The following LMLN variants were observed in gnomAD, a reference collection of about 807,000 sequenced individuals.
The protein encoded by LMLN is leishmanolysin like peptidase, also known as leishmanolysin-like peptidase.
Under a neutral mutation model 92.3 loss-of-function variants are expected in LMLN, and 70 were observed. The ratio of observed to expected loss-of-function variants is 0.76; its 90% CI spans 0.63 to 0.92. LMLN has a LOEUF of 0.92. LMLN is among the 40% of genes least tolerant of loss of function. The pLI, the probability that LMLN is intolerant of heterozygous loss-of-function variation, is 0.00. For missense variants in LMLN, 691 were observed against 814.6 expected (o/e 0.85, Z 1.85); for synonymous variants, 308 against 296.2 (o/e 1.04, Z -0.41).
At chr3:197,975,392 G>T (rs890792047) in intron 3 of LMLN, among the ~76,000 whole-genome samples, 6 of 152,176 alleles carry the variant, frequency 3.9e-5, no homozygotes, top group African/African-American at 1.4e-4. Flanking sequence ...TGACAACACT[G>T]TTCTCTTGGT....
chr3:198,017,327 A>T lies in LMLN; in HGVS notation c.1233-1926A>T, dbSNP rs13327370. On this transcript the variant is annotated intron_variant, in intron 11 of 15. Coordinates refer to ENST00000330198, the Ensembl canonical transcript of LMLN. ...TAGAGATTCCAGTGTGGCTGTTCTCAAGCACTTCTGGGCTTCGTCATTTGT... is the reference window on the plus strand; with the variant it reads ...TAGAGATTCCAGTGTGGCTGTTCTCTAGCACTTCTGGGCTTCGTCATTTGT... 7.2e-5 allele frequency among the ~76,000 whole-genome samples: 11 copies of T among 151,978 alleles called. No homozygotes were observed. The East Asian group carries it at 2.1e-3, about 29-fold the overall frequency.
chr3:198,024,881 G>T, intron 14 of LMLN, 93 bp downstream of exon 15: 1 of 1,053,964 alleles, frequency 9.5e-7, no homozygotes. Flanking sequence ...CATATTTTAT[G>T]TCATTAATTT....
At chr3:197,966,494 G>A (rs1262052326) in intron 1 of LMLN, among the ~76,000 whole-genome samples, 5 of 151,376 alleles carry the variant, frequency 3.3e-5, no homozygotes, top group Non-Finnish European at 5.9e-5. Flanking sequence ...TTTTGGGTAG[G>A]TATGCTTTAT....
In LMLN at chr3:198,016,761, C is replaced by T. The variant is rs187671559; in HGVS notation, c.1233-2492C>T. Among the ~76,000 whole-genome samples, 478 of 152,270 alleles carry T rather than the reference C, an allele frequency of 3.1e-3. 3 individuals are homozygous for T. Among genetic ancestry groups the T allele is most frequent in the South Asian group, 0.02 (98 of 4,832 alleles). ...ACTTCTACTTCTTTATTCTTAAAAA[C>T]TAAAACTGTGGGTCCCCTGAATTCT... On this transcript the variant is annotated intron_variant, in intron 11 of 15. Transcript: ENST00000330198.
intron 11 of LMLN, among the ~76,000 whole-genome samples, chr3:198,006,817 A>G (rs751225691): frequency 3.9e-5 from 6 of 151,974 alleles, no homozygotes; most frequent in Non-Finnish European, 8.8e-5. Flanking sequence ...GGTTCAAGCA[A>G]TTCTTTTGCC....
Position 198,042,945 on chromosome 3 carries a change from C to A in LMLN, c.*4278C>A, listed in dbSNP as rs1723447786. The stretch of plus-strand genomic sequence containing the variant: ...AAAACCAGTAACCCTTACATTTTTC[C>A]TATAGGATAGTTATTTTTGTTGAGA... On this transcript the variant is annotated 3_prime_UTR_variant, in exon 16 of 16. Transcript: ENST00000330198. This position sits in a 1 kb window ranked among gnomAD's most constrained non-coding sequence, Gnocchi z 4.2. The A allele has an allele frequency of 6.6e-6, 1 of 152,098 alleles. No individual in the cohort carries two copies. Among genetic ancestry groups the A allele is most frequent in the African/African-American group, 2.4e-5 (1 of 41,412 alleles). 9.4% of individuals were successfully genotyped at this position (152,098 alleles called of 1,614,324 possible). A position where few individuals can be genotyped will look rare whatever the true frequency, so the allele number is the denominator to read the frequency against.
intron 14 of LMLN, among the ~76,000 whole-genome samples, chr3:198,030,771 T>A (rs1723057162): frequency 6.6e-6 from 1 of 152,238 alleles, no homozygotes; most frequent in South Asian, 2.1e-4. Context: ...ACATATCTTC[T>A]AGTGGAGATT....
exon 16 of LMLN, chr3:198,040,467 C>G (rs951921629): frequency 6.6e-6 from 1 of 152,274 alleles, no homozygotes; most frequent in Non-Finnish European, 1.5e-5. Context: ...AGGCGATGCC[C>G]ATTCTTTCTC....
chr3:197,983,803 A>C (rs1721624844), intron 6 of LMLN, 140 bp from the exon 7 acceptor site: 1 of 548,702 alleles, frequency 1.8e-6, no homozygotes, highest in African/African-American at 1.9e-5. Flanking sequence ...ATGTCTTAAA[A>C]GTAAGATAGT....
intron 14 of LMLN, among the ~76,000 whole-genome samples, chr3:198,032,684 G>C (rs113562863): frequency 2.0e-5 from 3 of 152,216 alleles, no homozygotes; most frequent in African/African-American, 7.2e-5. Flanking sequence ...TGAACAAGCA[G>C]ATCTCTGGGG....
At chr3:197,975,976 A>T in intron 3 of LMLN, 53 bp from the exon 4 acceptor site, 1 of 1,089,946 alleles carries the variant, frequency 9.2e-7, no homozygotes, top group South Asian at 1.4e-5. Context: ...TTTTAAATAT[A>T]ATTTATCTCT....
intron 4 of LMLN, 179 bp downstream of exon 4, chr3:197,976,290 C>A: frequency 2.0e-6 from 1 of 508,064 alleles, no homozygotes. Flanking sequence ...TCATTCTTTC[C>A]CTGACCTTTC....
intron 9 of LMLN, 146 bp downstream of exon 9, chr3:197,990,822 C>CG (rs1721847034): frequency 1.9e-6 from 1 of 519,516 alleles, no homozygotes; most frequent in Non-Finnish European, 3.5e-6. Context: ...AATGAAGCTA[C>CG]GGGCCACGAG....
chr3:197,961,896 G>A (rs541824603), intron 1 of LMLN, among the ~76,000 whole-genome samples: 1 of 152,008 alleles, frequency 6.6e-6, no homozygotes, highest in Non-Finnish European at 1.5e-5. Flanking sequence ...TAATGAACCC[G>A]CATGGACCCA....
chr3:197,975,150 A>C, intron 3 of LMLN, 78 bp downstream of exon 3: 1 of 786,562 alleles, frequency 1.3e-6, no homozygotes, highest in Non-Finnish European at 2.2e-6. Flanking sequence ...GTAAAGAAAA[A>C]TATATACATG....
intron 14 of LMLN, among the ~76,000 whole-genome samples, chr3:198,029,841 A>T (rs1005821161): frequency 5.3e-5 from 8 of 150,852 alleles, no homozygotes; most frequent in Non-Finnish European, 1.0e-4. Context: ...ATTTTTTTTT[A>T]TTATTATTAC....
chr3:197,970,650 C>G (rs1476946764), intron 1 of LMLN, among the ~76,000 whole-genome samples: 2 of 152,154 alleles, frequency 1.3e-5, no homozygotes, highest in African/African-American at 4.8e-5. Flanking sequence ...AGCAAATGTT[C>G]AACATAAACC....
In LMLN at chr3:197,972,354, G is replaced by A. The variant is rs1043114447; in HGVS notation, c.220-2023G>A. ...GCTGGGATTACAGGCATGAGCCACC[G>A]TGTCCGGCCCCAATGAATTTTTCAT... On this transcript the variant is annotated intron_variant, in intron 1 of 15. Transcript: ENST00000330198. 5.9e-5 allele frequency among the ~76,000 whole-genome samples: 9 copies of A among 152,148 alleles called. No homozygotes were observed. The South Asian group carries it at 8.3e-4, about 14-fold the overall frequency.
At chr3:197,990,624 A>G in exon 9 of LMLN, 1 of 1,605,584 alleles carries the variant, frequency 6.2e-7, no homozygotes, top group East Asian at 2.2e-5. Flanking sequence ...GATGTTCGAG[A>G]TAATAAGATA....
Sources: allele counts gnomAD v4.1 joint callset (sites outside exome capture counted in the v4.1 genomes callset), GRCh38; gene constraint gnomAD v4.1.1; non-coding constraint Gnocchi (gnomAD v3.1); transcripts MANE v1.5; gene names NCBI Gene and HGNC (gene_info 2026-07-23, HGNC 2026-07-21).